The following CIT variants were observed in gnomAD, a reference collection of about 807,000 sequenced individuals.
CIT encodes citron rho-interacting serine/threonine kinase, also known as citron Rho-interacting kinase.
A neutral mutation model predicts 272.7 loss-of-function variants in CIT; 79 were observed. The ratio of observed to expected loss-of-function variants is 0.29; its 90% CI spans 0.24 to 0.35. The LOEUF is 0.35. Among genes scored for constraint, CIT ranks in the 10% least tolerant of loss-of-function variants. The pLI is 1.00. For missense variants in CIT, 1,909 were observed against 2,618.3 expected (o/e 0.73, Z 5.91); for synonymous variants, 948 against 995.6 (o/e 0.95, Z 0.90).
chr12:119,876,434 C>A (rs1240648796), intron 1 of CIT, among the ~76,000 whole-genome samples: 1 of 152,188 alleles, frequency 6.6e-6, no homozygotes, highest in African/African-American at 2.4e-5. Context: ...AATGGAAGCT[C>A]CACAAGGGCA....
At chr12:119,790,009 C>T (rs987893279) in intron 10 of CIT, among the ~76,000 whole-genome samples, 13 of 151,896 alleles carry the variant, frequency 8.6e-5, no homozygotes, top group Non-Finnish European at 1.6e-4. Context: ...CCACTGCACC[C>T]GGCCTGTTTT....
chr12:119,774,558 ATGTGTGTGTGTGTG>A (rs3999585), intron 16 of CIT, among the ~76,000 whole-genome samples: 15 of 150,622 alleles, frequency 1.0e-4, no homozygotes, highest in African/African-American at 3.2e-4. Flanking sequence ...CACAATGTAT[ATGTGTGTGTGTGTG>A]TGTGTGTGTG....
rs1189175385 is a variant in CIT at position 119,834,158 on chromosome 12, T to G, written c.587A>C (p.Asn196Thr). 4 of 1,613,814 alleles carry G rather than the reference T, an allele frequency of 2.5e-6. No homozygotes were observed. Among genetic ancestry groups the G allele is most frequent in the Non-Finnish European group, 3.4e-6 (4 of 1,179,902 alleles). Residue 196 changes from asparagine to threonine, a missense_variant, in exon 6 of 48, where the codon AAC becomes ACC. Physicochemically the swap from Asn to Thr is moderately conservative, Grantham distance 65. This residue lies in a region of CIT where 529 missense variants were observed against 549.6 expected (regional missense o/e 0.96). Coordinates refer to ENST00000392521, the MANE Select transcript of CIT (RefSeq NM_001206999.2). The part of the protein sequence containing the change: ...LNRYEDQLDE[N>T]LIQFYLAELI... ...CTCAGCTAGGTAAAACTGTATCAGGTTTTCATCTAACTGGTCCTCATATCT... is the reference window on the plus strand; with the variant it reads ...CTCAGCTAGGTAAAACTGTATCAGGGTTTCATCTAACTGGTCCTCATATCT...
chr12:119,806,040 G>A (rs1439062977), intron 9 of CIT, among the ~76,000 whole-genome samples: 1 of 149,146 alleles, frequency 6.7e-6, no homozygotes, highest in Non-Finnish European at 1.5e-5. Flanking sequence ...GGGAGGCTGA[G>A]GCAAGAGAAT....
intron 24 of CIT, among the ~76,000 whole-genome samples, chr12:119,737,388 A>G (rs1174770112): frequency 6.6e-6 from 1 of 151,572 alleles, no homozygotes; most frequent in East Asian, 1.9e-4. Flanking sequence ...GTCTACTCAC[A>G]TGAAAATACA....
intron 27 of CIT, 61 bp downstream of exon 27, chr12:119,730,434 G>A (rs1436169691): frequency 3.1e-5 from 47 of 1,523,134 alleles, no homozygotes; most frequent in Admixed American, 8.2e-5. Flanking sequence ...TTTATCAAGC[G>A]TGCCTTTAAA....
At chr12:119,849,318 T>C (rs918905039) in intron 5 of CIT, among the ~76,000 whole-genome samples, 164 of 151,642 alleles carry the variant, frequency 1.1e-3, no homozygotes, top group African/African-American at 3.9e-3. Flanking sequence ...TCCCAGCTAC[T>C]AGGGAAGCTG....
intron 21 of CIT, 58 bp downstream of exon 21, chr12:119,758,533 C>A: frequency 9.2e-7 from 1 of 1,082,856 alleles, no homozygotes; most frequent in Non-Finnish European, 1.4e-6. Context: ...GGAGTTTATG[C>A]CACAGGAGAG....
At chr12:119,781,721 AG>A (rs1964308371) in intron 13 of CIT, among the ~76,000 whole-genome samples, 1 of 152,228 alleles carries the variant, frequency 6.6e-6, no homozygotes, top group African/African-American at 2.4e-5. Flanking sequence ...CTGAAAACAC[AG>A]GGGACAGCCT....
At chr12:119,703,195 G>T (rs1179441730) in intron 41 of CIT, among the ~76,000 whole-genome samples, 1 of 152,116 alleles carries the variant, frequency 6.6e-6, no homozygotes, top group East Asian at 1.9e-4. Flanking sequence ...CCTCAACTTT[G>T]TAACTGAGGA....
intron 4 of CIT, among the ~76,000 whole-genome samples, chr12:119,855,681 G>A (rs949248810): frequency 2.0e-5 from 3 of 152,058 alleles, no homozygotes; most frequent in Non-Finnish European, 2.9e-5. Context: ...ATGAATAGGC[G>A]GCTTTAGTTA....
intron 28 of CIT, among the ~76,000 whole-genome samples, chr12:119,724,883 C>T (rs1957999663): frequency 7.3e-6 from 1 of 137,894 alleles, no homozygotes; most frequent in Non-Finnish European, 1.5e-5. Flanking sequence ...TTGCAGTGAG[C>T]CGAGATCACT....
At chr12:119,855,660 C>G (rs1052334832) in intron 4 of CIT, among the ~76,000 whole-genome samples, 3 of 152,050 alleles carry the variant, frequency 2.0e-5, no homozygotes, top group African/African-American at 7.2e-5. Context: ...TTCTATGCAT[C>G]CTCTTAAGGA....
At chr12:119,708,952 T>A (rs954569767) in intron 39 of CIT, among the ~76,000 whole-genome samples, 2 of 152,156 alleles carry the variant, frequency 1.3e-5, no homozygotes, top group African/African-American at 4.8e-5. Context: ...TGAGGAGGCA[T>A]TCTATGAAAA....
At chr12:119,767,912 C>CA (rs946338538) in intron 18 of CIT, among the ~76,000 whole-genome samples, 16 of 136,278 alleles carry the variant, frequency 1.2e-4, no homozygotes, top group African/African-American at 4.0e-4. Flanking sequence ...AAGTTTCCAG[C>CA]TTTTTTTTTT....
At chr12:119,708,780 G>A (rs944525368) in intron 39 of CIT, among the ~76,000 whole-genome samples, 3 of 152,156 alleles carry the variant, frequency 2.0e-5, no homozygotes, top group African/African-American at 7.2e-5. Context: ...GAGCCACCAC[G>A]CCCGGCCCAA....
rs1477286211 is a variant in CIT, at chr12:119,832,192, C to CT, written c.753+578dup. ...TATTAGAAGATTTTTAAACTCTAAT[C>CT]TTTTTTTACTTTGTCATCTTTTTCC... On this transcript the variant is annotated intron_variant, in intron 7 of 47. Coordinates refer to ENST00000392521, the MANE Select transcript of CIT (RefSeq NM_001206999.2). Among the ~76,000 whole-genome samples the CT allele has an allele frequency of 2.6e-5, 4 of 152,232 alleles. No individual in the cohort carries two copies. In the East Asian group the frequency reaches 7.7e-4, roughly 29 times the overall value.
At chr12:119,845,943 AACACACACACACACAC>A (rs58381184) in intron 5 of CIT, among the ~76,000 whole-genome samples, 8 of 137,054 alleles carry the variant, frequency 5.8e-5, no homozygotes, top group African/African-American at 1.4e-4. Flanking sequence ...TCCATCTCAA[AACACACACACACACAC>A]ACACACACAC....
intron 22 of CIT, among the ~76,000 whole-genome samples, chr12:119,755,734 A>G (rs952428393): frequency 2.0e-5 from 3 of 152,234 alleles, no homozygotes; most frequent in Non-Finnish European, 2.9e-5. Flanking sequence ...GTGACTACAT[A>G]AATGTAACCT....
Sources: gnomAD v4.1 joint callset for allele counts (sites outside exome capture counted in the v4.1 genomes callset) on GRCh38, gnomAD v4.1.1 for gene constraint, gnomAD v4.1.1 regional missense constraint, MANE v1.5 for transcripts, NCBI Gene and HGNC (gene_info 2026-07-23, HGNC 2026-07-21) for gene names.